SV2B: variants seen among roughly 807,000 people sequenced by gnomAD.
The protein encoded by SV2B is solute carrier family 22 member B2.
Under a neutral mutation model 73.9 loss-of-function variants are expected in SV2B, and 41 were observed. The observed-to-expected ratio is 0.56, with a 90% CI of 0.43 to 0.72. SV2B has a LOEUF of 0.72. SV2B is among the 30% of genes least tolerant of loss of function. The probability of loss-of-function intolerance (pLI) is 0.00; values close to 1 mark genes in which losing one functional copy is unlikely to be tolerated. For missense variants in SV2B, 764 were observed against 857.8 expected, an observed-to-expected ratio of 0.89 and a Z score of 1.37; for synonymous variants, 314 against 314.2, an observed-to-expected ratio of 1.00 and a Z score of 0.01.
At chr15:91,166,905 C>T (rs994629538) in intron 1 of SV2B, among the ~76,000 whole-genome samples, 2 of 151,424 alleles carry the variant, frequency 1.3e-5, no homozygotes, top group Non-Finnish European at 2.9e-5. Flanking sequence ...GCTCCGCCTT[C>T]TGGGTTCACG....
chr15:91,258,377 A>T lies in SV2B; in HGVS notation c.785-44A>T. On this transcript the variant is annotated intron_variant, in intron 4 of 12. Coordinates refer to ENST00000394232, the MANE Select transcript of SV2B (RefSeq NM_001323032.3). The surrounding 1 kb of genome is among the most constrained non-coding windows in gnomAD (Gnocchi z 4.7). ...TCAGAGTCACTCTTCCGTAGAGGAAAAGATCATGTCCCAGAAATCCTTTGA... is the reference window on the plus strand; with the variant it reads ...TCAGAGTCACTCTTCCGTAGAGGAATAGATCATGTCCCAGAAATCCTTTGA... 1 of 1,609,908 alleles carries T rather than the reference A, an allele frequency of 6.2e-7. No homozygotes were observed. Among genetic ancestry groups the T allele is most frequent in the Non-Finnish European group, 8.5e-7 (1 of 1,177,918 alleles).
intron 1 of SV2B, among the ~76,000 whole-genome samples, chr15:91,157,625 A>T (rs2013797): frequency 0.012 from 1,780 of 152,318 alleles, 35 homozygotes; most frequent in African/African-American, 0.041. Flanking sequence ...TGTGATGCAG[A>T]TGCCATTATC....
In SV2B at chr15:91,214,427, G is replaced by A. The variant is rs779583956; in HGVS notation, c.-391-11446G>A. ...TATTTTTATTGAGCTCTTTCTTGGT[G>A]ATGGACACTGTGCCAAACATTTTGA... On this transcript the variant is annotated intron_variant, in intron 1 of 12. Coordinates refer to ENST00000394232, the MANE Select transcript of SV2B (RefSeq NM_001323032.3). This position sits in a 1 kb window ranked among gnomAD's most constrained non-coding sequence, Gnocchi z 4.7. 2.0e-5 allele frequency among the ~76,000 whole-genome samples: 3 copies of A among 152,222 alleles called. No homozygotes were observed. Among genetic ancestry groups the A allele is most frequent in the Non-Finnish European group, 2.9e-5 (2 of 68,036 alleles).
Position 91,297,839 on chromosome 15 carries a change from T to TG in SV2B, c.*5287_*5288insG. On this transcript the variant is annotated 3_prime_UTR_variant, in exon 13 of 13. Transcript: ENST00000394232. This position sits in a 1 kb window ranked among gnomAD's most constrained non-coding sequence, Gnocchi z 5.1. Reference sequence around the variant, plus strand: ...ACTGCTTGGTTTCACTCAGGTCCTGTCCTTATGGGCCTGTGTCTGGTTGCA... The same window carrying TG: ...ACTGCTTGGTTTCACTCAGGTCCTGTGCCTTATGGGCCTGTGTCTGGTTGCA... The TG allele has an allele frequency of 6.6e-6, 1 of 152,342 alleles. No homozygotes were observed. The highest frequency in any genetic ancestry group is 2.4e-5 in the African/African-American group (1 of 41,570). 9.4% of individuals were successfully genotyped at this position (152,342 alleles called of 1,614,324 possible).
rs1281951845 is a variant in SV2B at position 91,253,740 on chromosome 15, A to T, written c.784+1220A>T. On this transcript the variant is annotated intron_variant, in intron 4 of 12. Transcript: ENST00000394232. The surrounding 1 kb of genome is among the most constrained non-coding windows in gnomAD (Gnocchi z 5.0). ...AGTTGTAGATTGGCTGAAGGCCAGG[A>T]AGTAGAACACACTCACCATTTCCGC... 1.3e-5 allele frequency among the ~76,000 whole-genome samples: 2 copies of T among 152,228 alleles called. No homozygotes were observed. Among genetic ancestry groups the T allele is most frequent in the African/African-American group, 4.8e-5 (2 of 41,452 alleles).
At chr15:91,262,487 G>A (rs933038525) in intron 6 of SV2B, among the ~76,000 whole-genome samples, 3 of 151,922 alleles carry the variant, frequency 2.0e-5, no homozygotes, top group Admixed American at 6.6e-5. Flanking sequence ...TTTTAGGTTC[G>A]GGGTACATGT....
chr15:91,181,511 C>T (rs573234070), intron 1 of SV2B, among the ~76,000 whole-genome samples: 1 of 151,718 alleles, frequency 6.6e-6, no homozygotes, highest in Non-Finnish European at 1.5e-5. Flanking sequence ...TTTGCAAACA[C>T]CCCCAATACA....
At position 91,214,285 on chromosome 15, in the gene SV2B, C is replaced by T. The variant is rs1442996713; in HGVS notation, c.-391-11588C>T. On this transcript the variant is annotated intron_variant, in intron 1 of 12. Transcript: ENST00000394232. The surrounding 1 kb of genome is among the most constrained non-coding windows in gnomAD (Gnocchi z 4.7). ...CTCACCCAAGAAGGCCTCAGATTTG[C>T]TGCTTGTGGAGTGAGGTTAAGGGTC... is the stretch of plus-strand genomic sequence containing the variant. Among the ~76,000 whole-genome samples the T allele has an allele frequency of 2.0e-5, 3 of 152,072 alleles. No individual in the cohort carries two copies. Among genetic ancestry groups the T allele is most frequent in the Non-Finnish European group, 4.4e-5 (3 of 68,012 alleles).
chr15:91,220,703 ATTTG>A lies in SV2B; in HGVS notation c.-391-5162_-391-5159del, dbSNP rs1407751952. 6.6e-6 allele frequency among the ~76,000 whole-genome samples: 1 copy of A among 152,070 alleles called. No individual in the cohort carries two copies. The highest frequency in any genetic ancestry group is 1.9e-4 in the East Asian group (1 of 5,192). On this transcript the variant is annotated intron_variant, in intron 1 of 12. Transcript: ENST00000394232. This position sits in a 1 kb window ranked among gnomAD's most constrained non-coding sequence, Gnocchi z 4.1. Reference sequence around the variant, plus strand: ...TAGTTGTTTTTAGGAGTAACTCAATATTTGTTTGTTTTTCTCTGTATGTGGTTTC... The same window carrying A: ...TAGTTGTTTTTAGGAGTAACTCAATATTTGTTTTTCTCTGTATGTGGTTTC...
In SV2B at chr15:91,115,537, A is replaced by ATTT. The variant is rs55894252; in HGVS notation, c.-392+15183_-392+15185dup. On this transcript the variant is annotated intron_variant, in intron 1 of 12. Transcript: ENST00000394232. This position sits in a 1 kb window ranked among gnomAD's most constrained non-coding sequence, Gnocchi z 4.3. Reference sequence around the variant, plus strand: ...CAGGCACCCACCATCATGCCTGGCTATTTTTTTTTTTGTATTTTTAGTAGA... The same window carrying ATTT: ...CAGGCACCCACCATCATGCCTGGCTATTTTTTTTTTTTTTGTATTTTTAGTAGA... Among the ~76,000 whole-genome samples the ATTT allele has an allele frequency of 0.058, 8,346 of 144,618 alleles. 260 individuals carry two copies. Among genetic ancestry groups the ATTT allele is most frequent in the South Asian group, 0.11 (517 of 4,526 alleles). The allele number at this position is 144,618 out of a possible 152,430, so 94.9% of individuals were successfully genotyped here. A position where few individuals can be genotyped will look rare whatever the true frequency, so the allele number is the denominator to read the frequency against.
intron 1 of SV2B, among the ~76,000 whole-genome samples, chr15:91,164,297 C>T (rs566651896): frequency 1.2e-4 from 18 of 152,234 alleles, no homozygotes; most frequent in Admixed American, 5.9e-4. Context: ...GCCAAGACAA[C>T]GCTAAGCAAA....
In SV2B at chr15:91,116,000, A is replaced by G. The variant is rs2042168675; in HGVS notation, c.-392+15637A>G. Among the ~76,000 whole-genome samples the G allele has an allele frequency of 6.6e-6, 1 of 152,202 alleles. No homozygotes were observed. The highest frequency in any genetic ancestry group is 1.5e-5 in the Non-Finnish European group (1 of 68,042). On this transcript the variant is annotated intron_variant, in intron 1 of 12. Transcript: ENST00000394232. The surrounding 1 kb of genome is among the most constrained non-coding windows in gnomAD (Gnocchi z 4.3). ...CATACACACACACATAAATATACATATATAATACATTATTATATGCTTCAG... is the reference window on the plus strand; with the variant it reads ...CATACACACACACATAAATATACATGTATAATACATTATTATATGCTTCAG...
Position 91,300,155 on chromosome 15 carries a change from A to C in SV2B, c.*7603A>C, listed in dbSNP as rs1302737973. ...TTTGAAATATGTGCTAAGTAGTTAG[A>C]GATTTGGCAGTTTTGCCACATTTCA... On this transcript the variant is annotated 3_prime_UTR_variant, in exon 13 of 13. Transcript: ENST00000394232. 1.3e-5 allele frequency: 2 copies of C among 152,224 alleles called. No individual in the cohort carries two copies. The highest frequency in any genetic ancestry group is 4.8e-5 in the African/African-American group (2 of 41,458). 9.4% of individuals were successfully genotyped at this position (152,224 alleles called of 1,614,324 possible).
At chr15:91,235,047 A>G (rs2046725658) in intron 2 of SV2B, among the ~76,000 whole-genome samples, 1 of 152,212 alleles carries the variant, frequency 6.6e-6, no homozygotes, top group Non-Finnish European at 1.5e-5. Context: ...ATGCATAATT[A>G]GAAGAGACAT....
chr15:91,156,922 G>A (rs1007511113), intron 1 of SV2B, among the ~76,000 whole-genome samples: 7 of 152,156 alleles, frequency 4.6e-5, no homozygotes, highest in Non-Finnish European at 7.4e-5. Context: ...GTAAAGTGTC[G>A]GGACAGATGC....
chr15:91,188,962 C>G (rs8031077), intron 1 of SV2B, among the ~76,000 whole-genome samples: 111,132 of 151,920 alleles, frequency 0.73, 41,727 homozygotes, highest in African/African-American at 0.91. Context: ...AAATAGCTGG[C>G]ATTACAGGTG....
intron 1 of SV2B, among the ~76,000 whole-genome samples, chr15:91,183,467 G>A (rs570584811): frequency 6.6e-6 from 1 of 152,186 alleles, no homozygotes; most frequent in Admixed American, 6.5e-5. Context: ...TGCTTCAGTT[G>A]CATTTACATC....
rs1286706012 is a variant in SV2B at position 91,105,155 on chromosome 15, T to G, written c.-392+4792T>G. ...TGTTATAGGAAGTAGACCCATCTCATGAAGCATTCATTCTAGTTGAGGGAG... is the reference window on the plus strand; with the variant it reads ...TGTTATAGGAAGTAGACCCATCTCAGGAAGCATTCATTCTAGTTGAGGGAG... On this transcript the variant is annotated intron_variant, in intron 1 of 12. Transcript: ENST00000394232. This position sits in a 1 kb window ranked among gnomAD's most constrained non-coding sequence, Gnocchi z 5.5. Among the ~76,000 whole-genome samples the G allele has an allele frequency of 1.3e-5, 2 of 152,204 alleles. No homozygotes were observed. The highest frequency in any genetic ancestry group is 2.9e-5 in the Non-Finnish European group (2 of 68,032).
rs1169559150 is a variant in SV2B, at chr15:91,110,079, A to T, written c.-392+9716A>T. On this transcript the variant is annotated intron_variant, in intron 1 of 12. Coordinates refer to ENST00000394232, the MANE Select transcript of SV2B (RefSeq NM_001323032.3). The surrounding 1 kb of genome is among the most constrained non-coding windows in gnomAD (Gnocchi z 5.4). ...AGCTGTCCGTCATTACTCACATTAC[A>T]AATCACGCTCACTCAGGAGTAATGA... Among the ~76,000 whole-genome samples the T allele has an allele frequency of 2.0e-5, 3 of 152,176 alleles. No individual in the cohort carries two copies. Among genetic ancestry groups the T allele is most frequent in the Non-Finnish European group, 2.9e-5 (2 of 68,036 alleles).
Sources: allele counts gnomAD v4.1 joint callset (sites outside exome capture counted in the v4.1 genomes callset), GRCh38; gene constraint gnomAD v4.1.1; non-coding constraint Gnocchi (gnomAD v3.1); transcripts MANE v1.5; gene names NCBI Gene and HGNC (gene_info 2026-07-23, HGNC 2026-07-21).